Variants in PCDH15 observed in about 807,000 individuals in gnomAD.
PCDH15 encodes the protein protocadherin related 15, also known as protocadherin-15.
Under a neutral mutation model 178.5 loss-of-function variants are expected in PCDH15, and 129 were observed. That is an observed-to-expected ratio of 0.72 (90% CI 0.63 to 0.84). PCDH15 has a LOEUF of 0.84. Among genes scored for constraint, PCDH15 ranks in the 40% least tolerant of loss-of-function variants. The pLI is 0.00. For synonymous variants in PCDH15, 800 were observed against 732.0 expected, an observed-to-expected ratio of 1.09 and a Z score of -1.50; for missense variants, 2,230 against 2,099.9, an observed-to-expected ratio of 1.06 and a Z score of -1.21.
chr10:54,164,870 C>T (rs1034280032), intron 13 of PCDH15, among the ~76,000 whole-genome samples: 6 of 152,136 alleles, frequency 3.9e-5, no homozygotes, highest in Admixed American at 6.6e-5. Context: ...TATATTGTTG[C>T]CTGCCTGGTA....
intron 8 of PCDH15, among the ~76,000 whole-genome samples, chr10:54,238,435 C>T (rs535872941): frequency 2.6e-5 from 4 of 152,004 alleles, no homozygotes; most frequent in Non-Finnish European, 4.4e-5. Context: ...GGGTTTCTCT[C>T]GAGTTCATTA....
chr10:54,829,937 C>T (rs1591726681), intron 3 of PCDH15, among the ~76,000 whole-genome samples: 3 of 152,162 alleles, frequency 2.0e-5, no homozygotes. Flanking sequence ...GGAGAAATCT[C>T]CCCATCTATT....
In PCDH15 at chr10:55,275,547, G is replaced by A. The variant is rs1033079025; in HGVS notation, c.-156+44052C>T. Reference sequence around the variant, plus strand: ...GCTATCCTTTTGCACTGATCTACACGATCTCTATCATTTATCCGTACTTAT... The same window carrying A: ...GCTATCCTTTTGCACTGATCTACACAATCTCTATCATTTATCCGTACTTAT... On this transcript the variant is annotated intron_variant, in intron 1 of 5. Transcript: ENST00000458638. Among the ~76,000 whole-genome samples, 34 of 151,722 alleles carry A rather than the reference G, an allele frequency of 2.2e-4. 1 individual carries two copies. The highest frequency in any genetic ancestry group is 8.0e-4 in the African/African-American group (33 of 41,236).
intron 18 of PCDH15, among the ~76,000 whole-genome samples, chr10:54,037,338 C>A (rs1395330242): frequency 1.3e-5 from 2 of 151,914 alleles, no homozygotes; most frequent in Non-Finnish European, 2.9e-5. Flanking sequence ...GTATTCAATG[C>A]AGCACAATTC....
chr10:54,298,948 A>G (rs537488889), intron 8 of PCDH15, among the ~76,000 whole-genome samples: 6 of 152,370 alleles, frequency 3.9e-5, no homozygotes, highest in Admixed American at 3.9e-4. Flanking sequence ...ATGCTGCAAT[A>G]TGGAAAGAAA....
intron 2 of PCDH15, among the ~76,000 whole-genome samples, chr10:55,433,421 G>GGGC (rs1399046350): frequency 6.6e-6 from 1 of 152,098 alleles, no homozygotes; most frequent in Non-Finnish European, 1.5e-5. Context: ...GCCCACTTAA[G>GGGC]GGCAGAGCAT....
chr10:54,133,256 A>G (rs2042601103), intron 14 of PCDH15, among the ~76,000 whole-genome samples: 1 of 152,232 alleles, frequency 6.6e-6, no homozygotes, highest in Admixed American at 6.5e-5. Context: ...ATGAATTAAA[A>G]TGGAATAGCT....
intron 1 of PCDH15, among the ~76,000 whole-genome samples, chr10:54,774,809 C>T (rs1949513730): frequency 6.6e-6 from 1 of 152,036 alleles, no homozygotes; most frequent in Admixed American, 6.5e-5. Context: ...TTATTAGGGG[C>T]TTACTACTTT....
At chr10:54,753,867 T>TTG (rs71014412) in intron 1 of PCDH15, among the ~76,000 whole-genome samples, 71,648 of 148,788 alleles carry the variant, frequency 0.48, 17,968 homozygotes, top group Middle Eastern at 0.65. Flanking sequence ...TTGTTTTTTT[T>TTG]TTGTTGTTGT....
At chr10:53,822,030 A>G (rs1476941186) in intron 32 of PCDH15, 3 of 1,613,970 alleles carry the variant, frequency 1.9e-6, no homozygotes. Flanking sequence ...TTGACTGTAC[A>G]TGTTAGCTAC....
intron 4 of PCDH15, among the ~76,000 whole-genome samples, chr10:54,375,455 A>C: frequency 6.6e-6 from 1 of 152,068 alleles, no homozygotes; most frequent in East Asian, 1.9e-4. Flanking sequence ...AATTTCCATA[A>C]AAGTAAATTA....
intron 14 of PCDH15, among the ~76,000 whole-genome samples, chr10:54,134,102 G>A (rs56295551): frequency 0.039 from 5,236 of 134,598 alleles, 969 homozygotes; most frequent in Middle Eastern, 0.085. Flanking sequence ...GGAGTGCAGT[G>A]GCATGATCTT....
chr10:53,995,317 T>A (rs2091775101), intron 21 of PCDH15: 2 of 348,558 alleles, frequency 5.7e-6, no homozygotes, highest in East Asian at 1.3e-4. Flanking sequence ...ATGCATACAG[T>A]GGAAAATACA....
At chr10:55,537,435 G>GTATT (rs770089283) in intron 2 of PCDH15, among the ~76,000 whole-genome samples, 387 of 147,990 alleles carry the variant, frequency 2.6e-3, no homozygotes, top group South Asian at 7.1e-3. Flanking sequence ...ATGTATGTAT[G>GTATT]TATTTATTTA....
At chr10:53,888,361 T>TATAC (rs2081297884) in intron 26 of PCDH15, among the ~76,000 whole-genome samples, 1 of 141,384 alleles carries the variant, frequency 7.1e-6, no homozygotes, top group Admixed American at 7.2e-5. Flanking sequence ...TATATATACA[T>TATAC]ATATATATAT....
In PCDH15 at chr10:55,286,771, G is replaced by T. The variant is rs78973613; in HGVS notation, c.-156+32828C>A. 7.9e-3 allele frequency among the ~76,000 whole-genome samples: 1,207 copies of T among 151,902 alleles called. 21 individuals carry two copies. The highest frequency in any genetic ancestry group is 0.028 in the African/African-American group (1,168 of 41,474). ...AATCAATTTTCATATTGAAAAGTCA[G>T]GCTTCTTCCATTTCCAGTACTCATG... On this transcript the variant is annotated intron_variant, in intron 1 of 5. Coordinates refer to the PCDH15 transcript ENST00000458638.
intron 2 of PCDH15, among the ~76,000 whole-genome samples, chr10:55,032,377 G>T (rs1311397658): frequency 2.0e-5 from 3 of 152,138 alleles, no homozygotes; most frequent in Admixed American, 6.5e-5. Context: ...AGATACCAGG[G>T]ATTTGTTAAC....
chr10:55,521,173 A>T (rs1316831184), intron 2 of PCDH15, among the ~76,000 whole-genome samples: 1 of 151,900 alleles, frequency 6.6e-6, no homozygotes, highest in East Asian at 1.9e-4. Flanking sequence ...ATCATATGGT[A>T]TTTGTCTTTC....
chr10:55,407,085 A>G (rs1203919678), intron 2 of PCDH15, among the ~76,000 whole-genome samples: 1 of 152,288 alleles, frequency 6.6e-6, no homozygotes, highest in African/African-American at 2.4e-5. Context: ...ACTGGTAGCA[A>G]TGAAAGCCTG....
Sources: allele counts gnomAD v4.1 joint callset (sites outside exome capture counted in the v4.1 genomes callset), GRCh38; gene constraint gnomAD v4.1.1; transcripts MANE v1.5; gene names NCBI Gene and HGNC (gene_info 2026-07-23, HGNC 2026-07-21).